The following MAML3 variants were observed in gnomAD, a reference collection of about 807,000 sequenced individuals.
MAML3 encodes the protein mastermind-like protein 3.
Under a neutral mutation model 101.9 loss-of-function variants are expected in MAML3, and 27 were observed. The ratio of observed to expected loss-of-function variants is 0.27; its 90% confidence interval spans 0.20 to 0.37. MAML3 has a LOEUF of 0.37. Ranked by LOEUF, MAML3 falls within the 10% of genes least tolerant of loss-of-function variation. MAML3 has a pLI of 1.00. For missense variants in MAML3, 1,316 were observed against 1,444.9 expected (o/e 0.91, Z 1.45); for synonymous variants, 501 against 555.9 (o/e 0.90, Z 1.39).
chr4:139,997,155 C>T (rs1030993337), intron 1 of MAML3, among the ~76,000 whole-genome samples: 11 of 150,052 alleles, frequency 7.3e-5, no homozygotes, highest in Non-Finnish European at 1.6e-4. Context: ...TATACACACA[C>T]ATTATATATA....
intron 1 of MAML3, among the ~76,000 whole-genome samples, chr4:139,968,153 C>A (rs1055234890): frequency 3.3e-5 from 5 of 151,326 alleles, no homozygotes; most frequent in African/African-American, 1.2e-4. Context: ...GGGGCACACG[C>A]CTATAGTCTC....
intron 3 of MAML3, among the ~76,000 whole-genome samples, 168 bp from the exon 4 acceptor site, chr4:139,726,003 T>C (rs1419682521): frequency 6.6e-6 from 1 of 152,102 alleles, no homozygotes; most frequent in Non-Finnish European, 1.5e-5. Context: ...TAGAGTCAGG[T>C]AGGTTTTCAC....
At chr4:139,891,697 T>A (rs1395936373) in intron 1 of MAML3, among the ~76,000 whole-genome samples, 2 of 152,222 alleles carry the variant, frequency 1.3e-5, no homozygotes, top group Non-Finnish European at 2.9e-5. Flanking sequence ...AAAAAAATGC[T>A]AAAATAAAAA....
At chr4:139,961,876 G>A (rs1734020545) in intron 1 of MAML3, among the ~76,000 whole-genome samples, 2 of 152,152 alleles carry the variant, frequency 1.3e-5, no homozygotes, top group Admixed American at 6.5e-5. Flanking sequence ...CACTTTGGGA[G>A]GTTGAGGCAG....
At chr4:140,076,308 A>G (rs773408370) in intron 1 of MAML3, among the ~76,000 whole-genome samples, 3 of 152,184 alleles carry the variant, frequency 2.0e-5, no homozygotes, top group Non-Finnish European at 2.9e-5. Context: ...ATTTTCTCCA[A>G]TATATTTTTA....
chr4:139,913,134 C>T (rs1732962276), intron 1 of MAML3, among the ~76,000 whole-genome samples: 1 of 152,116 alleles, frequency 6.6e-6, no homozygotes, highest in South Asian at 2.1e-4. Flanking sequence ...TTCTTTCTGT[C>T]TTTTCCAGGC....
intron 1 of MAML3, among the ~76,000 whole-genome samples, chr4:139,904,227 T>G (rs1399355679): frequency 6.6e-6 from 1 of 152,198 alleles, no homozygotes; most frequent in Non-Finnish European, 1.5e-5. Context: ...AGCCACCCAG[T>G]GTGTGGTACT....
intron 2 of MAML3, among the ~76,000 whole-genome samples, chr4:139,745,331 A>G (rs1729287563): frequency 2.0e-5 from 3 of 152,166 alleles, no homozygotes; most frequent in Non-Finnish European, 4.4e-5. Flanking sequence ...TAAACGCTAA[A>G]TGCATTACTT....
In MAML3 at chr4:140,143,823, G is replaced by T. The variant is rs79030874; in HGVS notation, c.468+9037C>A. Among the ~76,000 whole-genome samples, 902 of 152,260 alleles carry T rather than the reference G, an allele frequency of 5.9e-3. 4 individuals carry two copies. The highest frequency in any genetic ancestry group is 0.031 in the Middle Eastern group (9 of 294). On this transcript the variant is annotated intron_variant, in intron 1 of 4. Coordinates refer to ENST00000509479, the MANE Select transcript of MAML3 (RefSeq NM_018717.5). ...AGAGATAACAATCATGAAGTAAACA[G>T]CCAGAACATCATACCACGTGGCCAG...
At chr4:139,940,321 T>G (rs1733578589) in intron 1 of MAML3, among the ~76,000 whole-genome samples, 1 of 152,192 alleles carries the variant, frequency 6.6e-6, no homozygotes, top group Non-Finnish European at 1.5e-5. Flanking sequence ...TCTACGTGTA[T>G]CCTACCCAAT....
intron 1 of MAML3, among the ~76,000 whole-genome samples, chr4:140,035,211 T>C (rs1029763557): frequency 1.3e-5 from 2 of 152,074 alleles, no homozygotes; most frequent in Non-Finnish European, 1.5e-5. Context: ...TGACCTCAAG[T>C]GACACACCTG....
chr4:139,995,323 T>C (rs745983705), intron 1 of MAML3, among the ~76,000 whole-genome samples: 8 of 152,202 alleles, frequency 5.3e-5, no homozygotes, highest in Non-Finnish European at 1.2e-4. Context: ...GATTTGTGCA[T>C]CTATGCTCAT....
intron 1 of MAML3, among the ~76,000 whole-genome samples, chr4:139,948,257 C>T (rs955267985): frequency 3.9e-5 from 6 of 152,160 alleles, no homozygotes; most frequent in African/African-American, 1.4e-4. Flanking sequence ...CAAACACACT[C>T]CTGAGCACTT....
At chr4:140,075,953 G>A (rs959597680) in intron 1 of MAML3, among the ~76,000 whole-genome samples, 1 of 152,128 alleles carries the variant, frequency 6.6e-6, no homozygotes, top group Non-Finnish European at 1.5e-5. Flanking sequence ...GTAGAGATGA[G>A]GTTTTGCCAT....
intron 3 of MAML3, among the ~76,000 whole-genome samples, chr4:139,729,156 C>CAA (rs4057275): frequency 5.0e-4 from 41 of 81,668 alleles, no homozygotes; most frequent in African/African-American, 1.2e-3. Context: ...GGAACAAAAG[C>CAA]AAAAAAAAAA....
At chr4:139,837,223 G>A (rs1264360793) in intron 2 of MAML3, among the ~76,000 whole-genome samples, 2 of 151,904 alleles carry the variant, frequency 1.3e-5, no homozygotes, top group Non-Finnish European at 2.9e-5. Context: ...CCTGGCCGGC[G>A]TGGTGGCTCA....
chr4:140,052,404 G>C (rs1727282837), intron 1 of MAML3, among the ~76,000 whole-genome samples: 1 of 152,158 alleles, frequency 6.6e-6, no homozygotes, highest in Admixed American at 6.5e-5. Context: ...ACACACATCT[G>C]TGTGGGGTGT....
intron 2 of MAML3, among the ~76,000 whole-genome samples, chr4:139,841,893 C>G (rs1391330807): frequency 6.6e-6 from 1 of 152,224 alleles, no homozygotes; most frequent in Non-Finnish European, 1.5e-5. Flanking sequence ...CTGATGTTCC[C>G]TCTAATAAAG....
At chr4:139,888,590 C>G (rs1378859530) in intron 2 of MAML3, 2 of 518,950 alleles carry the variant, frequency 3.9e-6, no homozygotes, top group Non-Finnish European at 7.7e-6. Context: ...CACTTCCCGA[C>G]TGGTTGCTGC....
Sources: gnomAD v4.1 joint callset for allele counts (sites outside exome capture counted in the v4.1 genomes callset) on GRCh38, gnomAD v4.1.1 for gene constraint, MANE v1.5 for transcripts, NCBI Gene and HGNC (gene_info 2026-07-23, HGNC 2026-07-21) for gene names.